HIBCH: variants seen among roughly 807,000 people sequenced by gnomAD.
HIBCH encodes the protein 3-hydroxyisobutyryl-CoA hydrolase, mitochondrial.
A neutral mutation model predicts 58.2 loss-of-function variants in HIBCH; 50 were observed. The ratio of observed to expected loss-of-function variants is 0.86; its 90% CI spans 0.68 to 1.09. The LOEUF is 1.09. HIBCH is among the 50% of genes least tolerant of loss of function. The pLI, the probability that HIBCH is intolerant of heterozygous loss-of-function variation, is 0.00. For missense variants in HIBCH, 450 were observed against 449.7 expected, an observed-to-expected ratio of 1.00 and a Z score of -0.01; for synonymous variants, 151 against 146.9, an observed-to-expected ratio of 1.03 and a Z score of -0.20.
intron 11 of HIBCH, among the ~76,000 whole-genome samples, chr2:190,242,445 T>C (rs554776745): frequency 6.6e-6 from 1 of 152,216 alleles, no homozygotes; most frequent in African/African-American, 2.4e-5. Context: ...CTCATTTCCG[T>C]CCAGTTTTGT....
chr2:190,275,540 CT>C (rs1437006932), intron 6 of HIBCH, among the ~76,000 whole-genome samples: 17 of 152,082 alleles, frequency 1.1e-4, no homozygotes, highest in Non-Finnish European at 2.1e-4. Context: ...GAAAGGGCCC[CT>C]ATCAGAGCAA....
At chr2:190,319,666 G>T in intron 1 of HIBCH, 50 bp downstream of exon 1, 3 of 1,492,770 alleles carry the variant, frequency 2.0e-6, no homozygotes, top group Non-Finnish European at 2.8e-6. Context: ...TTCCCACTGT[G>T]GCGAGTGCCG....
At chr2:190,230,886 T>TA (rs1686076247) in intron 11 of HIBCH, among the ~76,000 whole-genome samples, 1 of 152,128 alleles carries the variant, frequency 6.6e-6, no homozygotes, top group Non-Finnish European at 1.5e-5. Context: ...ACATGACAAT[T>TA]ACAAGAAAAA....
At position 190,254,578 on chromosome 2, in the gene HIBCH, ATAAG is replaced by A. The variant is rs148081107; in HGVS notation, c.518-2275_518-2272del. 3.0e-3 allele frequency among the ~76,000 whole-genome samples: 451 copies of A among 152,338 alleles called. 4 individuals are homozygous for A. The highest frequency in any genetic ancestry group is 0.01 in the African/African-American group (423 of 41,582). On this transcript the variant is annotated intron_variant, in intron 7 of 13. Transcript: ENST00000359678. The surrounding 1 kb of genome is among the most constrained non-coding windows in gnomAD (Gnocchi z 5.0). ...CCACCTAAACAGAACCACATAGATA[ATAAG>A]TATCTCACATTTAACATGGCAAAAG...
downstream of HIBCH, chr2:190,200,150 G>A (rs1356918290): frequency 1.2e-6 from 2 of 1,612,344 alleles, no homozygotes; most frequent in Non-Finnish European, 1.7e-6. Flanking sequence ...GGGCCTTGAG[G>A]CTGTAGGATG....
At chr2:190,265,225 C>T (rs1455519368) in intron 6 of HIBCH, among the ~76,000 whole-genome samples, 1 of 151,138 alleles carries the variant, frequency 6.6e-6, no homozygotes, top group East Asian at 1.9e-4. Flanking sequence ...GCTCCACTAG[C>T]TGTATATGAG....
chr2:190,290,026 T>C (rs1326275136), intron 5 of HIBCH, among the ~76,000 whole-genome samples: 2 of 152,074 alleles, frequency 1.3e-5, no homozygotes, highest in South Asian at 4.1e-4. Flanking sequence ...TTACAGGCAC[T>C]TGCCACCGCA....
At chr2:190,235,713 C>T (rs1215820139) in intron 11 of HIBCH, among the ~76,000 whole-genome samples, 1 of 152,166 alleles carries the variant, frequency 6.6e-6, no homozygotes, top group East Asian at 1.9e-4. Context: ...GTGGTATTCT[C>T]TCTGGAATAC....
chr2:190,200,931 G>A (rs1187659198), downstream of HIBCH: 1 of 166,908 alleles, frequency 6.0e-6, no homozygotes, highest in Non-Finnish European at 1.5e-5. Context: ...TAGTCTGCAA[G>A]GTAGAAAGTT....
chr2:190,212,747 A>G (rs1690541922), intron 12 of HIBCH, among the ~76,000 whole-genome samples: 1 of 152,218 alleles, frequency 6.6e-6, no homozygotes, highest in Non-Finnish European at 1.5e-5. Context: ...TGACATGCAA[A>G]TGTAATTGCT....
chr2:190,256,508 G>A (rs555673094), intron 7 of HIBCH, among the ~76,000 whole-genome samples: 64 of 147,224 alleles, frequency 4.3e-4, no homozygotes, highest in Non-Finnish European at 7.4e-4. Flanking sequence ...TGTTTCCCAG[G>A]AATTTAAATT....
At chr2:190,237,469 T>C (rs1686308924) in intron 11 of HIBCH, among the ~76,000 whole-genome samples, 1 of 152,194 alleles carries the variant, frequency 6.6e-6, no homozygotes, top group Non-Finnish European at 1.5e-5. Context: ...TGCATTCAGC[T>C]GTTTCTAGAT....
At chr2:190,226,316 C>T (rs893147112) in intron 11 of HIBCH, among the ~76,000 whole-genome samples, 16 of 152,074 alleles carry the variant, frequency 1.1e-4, no homozygotes, top group Admixed American at 9.2e-4. Flanking sequence ...GGAAGTCAGG[C>T]CAGGTGCGGT....
intron 1 of HIBCH, among the ~76,000 whole-genome samples, chr2:190,313,698 C>T (rs1046299045): frequency 1.4e-5 from 2 of 148,146 alleles, no homozygotes; most frequent in South Asian, 2.2e-4. Context: ...AATTCCAAAG[C>T]CCAGGTCACA....
At chr2:190,194,054 A>G (rs984183255) in intron 1 of HIBCH, among the ~76,000 whole-genome samples, 1 of 152,112 alleles carries the variant, frequency 6.6e-6, no homozygotes, top group African/African-American at 2.4e-5. Flanking sequence ...TTATTTAGAA[A>G]TATGTTTAGT....
At chr2:190,317,661 T>G (rs1403322380) in intron 1 of HIBCH, among the ~76,000 whole-genome samples, 1 of 152,144 alleles carries the variant, frequency 6.6e-6, no homozygotes, top group African/African-American at 2.4e-5. Flanking sequence ...GAAAAAGTGA[T>G]TAACTTTGAG....
chr2:190,310,849 A>G (rs1396762473), intron 1 of HIBCH, 53 bp from the exon 2 acceptor site: 6 of 1,250,890 alleles, frequency 4.8e-6, no homozygotes, highest in Non-Finnish European at 7.1e-6. Flanking sequence ...GTCATGTCTC[A>G]GTTGACAAAT....
intron 3 of HIBCH, among the ~76,000 whole-genome samples, chr2:190,295,459 A>AT (rs1233047586): frequency 1.3e-5 from 2 of 152,186 alleles, no homozygotes; most frequent in Non-Finnish European, 2.9e-5. Flanking sequence ...GTGCACTTGT[A>AT]TTTTGACTGC....
chr2:190,212,991 G>C lies in HIBCH; in HGVS notation c.976C>G (p.Leu326Val). The C allele has an allele frequency of 6.2e-7, 1 of 1,611,556 alleles. No homozygotes were observed. The highest frequency in any genetic ancestry group is 8.5e-7 in the Non-Finnish European group (1 of 1,178,402). The change falls in exon 12 of 14, where the codon CTA becomes GTA. Residue 326 changes from leucine (L) to valine (V), a missense_variant. Coordinates refer to ENST00000359678, the MANE Select transcript of HIBCH (RefSeq NM_014362.4). ...TGACTTAGCCGATACTCCATAGTTA[G>C]TACTTCTTGCAAGGTCTTTGAAGAC... is the stretch of plus-strand genomic sequence containing the variant. ...EGSSKTLQEVLTMEYRLSQAC... is the reference protein window; with the variant it reads ...EGSSKTLQEVVTMEYRLSQAC...
Sources: gnomAD v4.1 joint callset for allele counts (sites outside exome capture counted in the v4.1 genomes callset) on GRCh38, gnomAD v4.1.1 for gene constraint, Gnocchi (gnomAD v3.1) non-coding constraint, MANE v1.5 for transcripts, NCBI Gene and HGNC (gene_info 2026-07-23, HGNC 2026-07-21) for gene names.